Variants in PDE4D observed in about 807,000 individuals in gnomAD.
The protein encoded by PDE4D is 3',5'-cyclic-AMP phosphodiesterase 4D.
Under a neutral mutation model 87.4 loss-of-function variants are expected in PDE4D, and 24 were observed. The ratio of observed to expected loss-of-function variants is 0.27; its 90% CI spans 0.20 to 0.39. The LOEUF (loss-of-function observed/expected upper bound fraction) is 0.39, where lower values mean the gene tolerates loss of function less well. Among genes scored for constraint, PDE4D ranks in the 10% least tolerant of loss-of-function variants. The pLI is 1.00. For synonymous variants in PDE4D, 384 were observed against 383.2 expected, an observed-to-expected ratio of 1.00 and a Z score of -0.02; for missense variants, 714 against 1,041.0, an observed-to-expected ratio of 0.69 and a Z score of 4.32.
chr5:59,351,890 G>A (rs951577992), intron 1 of PDE4D, among the ~76,000 whole-genome samples: 3 of 152,108 alleles, frequency 2.0e-5, no homozygotes, highest in Non-Finnish European at 2.9e-5. Context: ...TAGTACATCT[G>A]TTAGAACAAT....
chr5:59,393,503 A>G (rs1451928573), intron 1 of PDE4D, among the ~76,000 whole-genome samples: 1 of 152,196 alleles, frequency 6.6e-6, no homozygotes, highest in African/African-American at 2.4e-5. Context: ...TAGTGTGTTG[A>G]ATCTGGCTGC....
intron 2 of PDE4D, among the ~76,000 whole-genome samples, chr5:60,165,218 C>A (rs1228433171): frequency 6.6e-6 from 1 of 152,162 alleles, no homozygotes; most frequent in African/African-American, 2.4e-5. Context: ...TGAGGTGATT[C>A]CATATCTTGG....
intron 1 of PDE4D, among the ~76,000 whole-genome samples, chr5:60,370,567 A>T (rs1285651705): frequency 1.3e-5 from 2 of 152,222 alleles, no homozygotes; most frequent in Admixed American, 1.3e-4. Flanking sequence ...TTAATTTTCC[A>T]TCATTCTCAT....
At chr5:59,032,210 T>C (rs1230825812) in intron 6 of PDE4D, among the ~76,000 whole-genome samples, 1 of 152,192 alleles carries the variant, frequency 6.6e-6, no homozygotes, top group African/African-American at 2.4e-5. Context: ...ATAGATACAA[T>C]TAATATTTGT....
rs111741569 is a variant in PDE4D, at chr5:60,250,551, T to G, written c.-89-64864A>C. ...TGGTCCCATTAGATTATAACGAAGC[T>G]GAAAAATTCCTATAGCCTAGTTATT... On this transcript the variant is annotated intron_variant, in intron 1 of 16. Coordinates refer to the PDE4D transcript ENST00000502484. 4.8e-4 allele frequency among the ~76,000 whole-genome samples: 73 copies of G among 152,102 alleles called. 2 individuals are homozygous for G. Among genetic ancestry groups the G allele is most frequent in the African/African-American group, 1.7e-3 (70 of 41,522 alleles).
At chr5:60,425,293 G>C (rs1213158232) in intron 1 of PDE4D, among the ~76,000 whole-genome samples, 2 of 152,120 alleles carry the variant, frequency 1.3e-5, no homozygotes, top group Admixed American at 6.5e-5. Context: ...ATACTACAAG[G>C]CTACAGTAAC....
intron 1 of PDE4D, among the ~76,000 whole-genome samples, chr5:59,496,940 C>T (rs1807330307): frequency 6.6e-6 from 1 of 152,118 alleles, no homozygotes; most frequent in Admixed American, 6.5e-5. Context: ...TGCCCTTGCC[C>T]CTACCTTCTG....
At chr5:59,711,266 C>A (rs777090143) in intron 1 of PDE4D, among the ~76,000 whole-genome samples, 1 of 152,062 alleles carries the variant, frequency 6.6e-6, no homozygotes, top group Non-Finnish European at 1.5e-5. Context: ...TGATATAAGA[C>A]CATTATTTTG....
At chr5:59,322,867 G>A (rs1396823559) in intron 1 of PDE4D, among the ~76,000 whole-genome samples, 3 of 152,248 alleles carry the variant, frequency 2.0e-5, no homozygotes, top group South Asian at 2.1e-4. Context: ...GCAACCTGCA[G>A]CCTGAAGCAG....
intron 2 of PDE4D, among the ~76,000 whole-genome samples, chr5:60,105,936 G>C (rs1409875664): frequency 1.3e-5 from 2 of 152,210 alleles, no homozygotes; most frequent in Non-Finnish European, 2.9e-5. Flanking sequence ...ATGCTAGGAA[G>C]AGACCGCATC....
chr5:60,479,559 C>G (rs1367249391), intron 1 of PDE4D, among the ~76,000 whole-genome samples: 1 of 152,170 alleles, frequency 6.6e-6, no homozygotes, highest in African/African-American at 2.4e-5. Context: ...TTATTTCTGT[C>G]TCTGTCCAAT....
chr5:59,200,208 G>C (rs28568571), intron 2 of PDE4D, among the ~76,000 whole-genome samples: 1 of 137,286 alleles, frequency 7.3e-6, no homozygotes, highest in African/African-American at 2.7e-5. Context: ...TGTATGTATA[G>C]ATACACGTGT....
At chr5:59,117,576 C>G (rs941225351) in intron 5 of PDE4D, among the ~76,000 whole-genome samples, 2 of 152,196 alleles carry the variant, frequency 1.3e-5, no homozygotes, top group East Asian at 3.9e-4. Flanking sequence ...TAAGCTGGCT[C>G]TCAACTCTCT....
At chr5:59,949,723 A>T (rs368405086) in intron 3 of PDE4D, among the ~76,000 whole-genome samples, 8 of 152,178 alleles carry the variant, frequency 5.3e-5, no homozygotes, top group African/African-American at 1.9e-4. Context: ...GCTATATTTT[A>T]TATTTGAGAT....
In PDE4D at chr5:59,484,664, G is replaced by A. The variant is rs1433132121; in HGVS notation, c.456-268696C>T. Among the ~76,000 whole-genome samples, 8 of 152,120 alleles carry A rather than the reference G, an allele frequency of 5.3e-5. No individual in the cohort carries two copies. The East Asian group carries it at 5.8e-4, about 11-fold the overall frequency. ...ACTGCACCTTCATTCCTGTGATACC[G>A]ATTTTAATCTCACTACATTTAATTT... On this transcript the variant is annotated intron_variant, in intron 1 of 14. Coordinates refer to ENST00000340635, the MANE Select transcript of PDE4D (RefSeq NM_001104631.2).
intron 1 of PDE4D, among the ~76,000 whole-genome samples, chr5:59,263,848 C>T (rs190457094): frequency 1.6e-4 from 24 of 151,892 alleles, no homozygotes; most frequent in Admixed American, 6.6e-4. Flanking sequence ...CTTAAAGGGG[C>T]ATAAAGGTGA....
upstream of PDE4D, chr5:59,893,911 T>A: frequency 3.4e-6 from 3 of 885,314 alleles, no homozygotes; most frequent in Non-Finnish European, 4.4e-6. Flanking sequence ...GTGCCCGGTT[T>A]CGCCAGAGGT....
intron 1 of PDE4D, among the ~76,000 whole-genome samples, chr5:59,443,155 T>C (rs561950104): frequency 2.0e-5 from 3 of 152,268 alleles, no homozygotes; most frequent in Admixed American, 2.0e-4. Context: ...AAACATAAAA[T>C]GTTATAAGAG....
At chr5:60,382,774 A>G in intron 1 of PDE4D, among the ~76,000 whole-genome samples, 1 of 152,122 alleles carries the variant, frequency 6.6e-6, no homozygotes, top group East Asian at 1.9e-4. Flanking sequence ...ATACATGTTT[A>G]TGGCTATCTT....
Sources: gnomAD v4.1 joint callset for allele counts (sites outside exome capture counted in the v4.1 genomes callset) on GRCh38, gnomAD v4.1.1 for gene constraint, MANE v1.5 for transcripts, NCBI Gene and HGNC (gene_info 2026-07-23, HGNC 2026-07-21) for gene names.